ADGRL3: variants seen among roughly 807,000 people sequenced by gnomAD.
ADGRL3 encodes the protein adhesion G protein-coupled receptor L3.
ADGRL3 carries 62 observed loss-of-function variants against 153.5 expected under a neutral mutation model. The observed-to-expected ratio is 0.40, with a 90% CI of 0.33 to 0.50. The LOEUF (loss-of-function observed/expected upper bound fraction) is 0.50. Ranked by LOEUF, ADGRL3 falls within the 20% of genes least tolerant of loss-of-function variation. ADGRL3 has a pLI of 0.47. For missense variants in ADGRL3, 1,641 were observed against 1,859.4 expected (o/e 0.88, Z 2.16); for synonymous variants, 710 against 672.5 (o/e 1.06, Z -0.86).
At chr4:61,245,730 A>T (rs969914278) in intron 1 of ADGRL3, among the ~76,000 whole-genome samples, 1 of 152,090 alleles carries the variant, frequency 6.6e-6, no homozygotes, top group African/African-American at 2.4e-5. Flanking sequence ...ATTTGTCACA[A>T]ATGTCTTCCT....
chr4:61,387,119 C>T (rs2096746389), intron 2 of ADGRL3, among the ~76,000 whole-genome samples: 1 of 152,000 alleles, frequency 6.6e-6, no homozygotes, highest in Non-Finnish European at 1.5e-5. Context: ...CTGGGGGAGA[C>T]ATCACACGTT....
chr4:61,849,227 A>G (rs1359526597), intron 9 of ADGRL3, among the ~76,000 whole-genome samples: 2 of 152,076 alleles, frequency 1.3e-5, no homozygotes, highest in Non-Finnish European at 2.9e-5. Context: ...AACCTTTACC[A>G]CAATGTCACT....
chr4:62,032,231 A>G (rs921075125), intron 23 of ADGRL3, among the ~76,000 whole-genome samples: 2 of 151,448 alleles, frequency 1.3e-5, no homozygotes, highest in Non-Finnish European at 3.0e-5. Flanking sequence ...AATCTTTTAC[A>G]TGTATCTGTT....
chr4:61,864,880 A>G (rs2098384892), intron 9 of ADGRL3, among the ~76,000 whole-genome samples: 1 of 152,228 alleles, frequency 6.6e-6, no homozygotes, highest in South Asian at 2.1e-4. Flanking sequence ...AACTAAAATG[A>G]AATCAACGGA....
intron 6 of ADGRL3, among the ~76,000 whole-genome samples, chr4:61,684,561 C>T (rs952920013): frequency 1.7e-4 from 26 of 152,094 alleles, no homozygotes; most frequent in Middle Eastern, 3.4e-3. Context: ...ATCAGATCCC[C>T]GTAAAGACTT....
At chr4:61,769,213 G>A (rs980931286) in intron 8 of ADGRL3, among the ~76,000 whole-genome samples, 4 of 152,096 alleles carry the variant, frequency 2.6e-5, no homozygotes, top group Non-Finnish European at 4.4e-5. Context: ...TTCCCAGTCC[G>A]TGACTGGCGC....
chr4:61,371,607 G>C (rs1344559637), intron 1 of ADGRL3, among the ~76,000 whole-genome samples: 7 of 152,138 alleles, frequency 4.6e-5, no homozygotes, highest in African/African-American at 1.7e-4. Context: ...TCTGCTGTTA[G>C]TCTGATGGGC....
intron 8 of ADGRL3, among the ~76,000 whole-genome samples, chr4:61,805,898 CAGAG>C (rs1313294635): frequency 5.9e-5 from 9 of 152,122 alleles, no homozygotes; most frequent in African/African-American, 2.2e-4. Context: ...AATGGGTAGA[CAGAG>C]AGTTAACATC....
chr4:61,844,168 A>G (rs1440640278), intron 9 of ADGRL3, among the ~76,000 whole-genome samples: 2 of 151,838 alleles, frequency 1.3e-5, no homozygotes, highest in African/African-American at 4.8e-5. Flanking sequence ...TTCTTTCTAT[A>G]CTGGTCTTAC....
At chr4:61,622,019 G>A (rs77987855) in intron 5 of ADGRL3, among the ~76,000 whole-genome samples, 2,134 of 152,150 alleles carry the variant, frequency 0.014, 57 homozygotes, top group African/African-American at 0.047. Flanking sequence ...CCTGCATGTC[G>A]GTAGCTGTGT....
intron 23 of ADGRL3, among the ~76,000 whole-genome samples, chr4:62,036,862 T>C (rs982592792): frequency 1.3e-5 from 2 of 151,940 alleles, no homozygotes; most frequent in Middle Eastern, 4.1e-3. Flanking sequence ...TTTAAGGCAG[T>C]TACTGTTTAT....
chr4:61,620,702 G>A (rs2092443634), intron 5 of ADGRL3, among the ~76,000 whole-genome samples: 1 of 135,884 alleles, frequency 7.4e-6, no homozygotes, highest in South Asian at 2.3e-4. Context: ...GTGCAGTGGT[G>A]CGATCTCGGC....
chr4:61,478,987 T>C (rs2098100520), intron 2 of ADGRL3, among the ~76,000 whole-genome samples: 1 of 152,062 alleles, frequency 6.6e-6, no homozygotes, highest in Non-Finnish European at 1.5e-5. Context: ...ACTTCACAGA[T>C]CTTTGTCCAA....
chr4:61,517,565 G>A, intron 4 of ADGRL3, 47 bp downstream of exon 4: 1 of 694,724 alleles, frequency 1.4e-6, no homozygotes, highest in Non-Finnish European at 2.6e-6. Flanking sequence ...CTGGGCAGGG[G>A]CTCCTGAGAG....
chr4:61,810,729 G>T (rs966696587), intron 8 of ADGRL3, among the ~76,000 whole-genome samples: 5 of 152,048 alleles, frequency 3.3e-5, no homozygotes, highest in African/African-American at 1.2e-4. Flanking sequence ...TACTTCTCTG[G>T]CATACCTGAC....
At chr4:61,409,402 A>AT (rs879532935) in intron 2 of ADGRL3, among the ~76,000 whole-genome samples, 83 of 34,200 alleles carry the variant, frequency 2.4e-3, no homozygotes, top group South Asian at 2.2e-3. Flanking sequence ...TTAGACATAC[A>AT]TAATATATAT....
chr4:61,698,893 T>C (rs561950612), intron 6 of ADGRL3, among the ~76,000 whole-genome samples: 4 of 152,344 alleles, frequency 2.6e-5, no homozygotes, highest in Non-Finnish European at 5.9e-5. Flanking sequence ...TACTTTCTTT[T>C]TAACTGTAGG....
chr4:61,834,002 A>G (rs2097904177), intron 9 of ADGRL3, among the ~76,000 whole-genome samples: 1 of 146,116 alleles, frequency 6.8e-6, no homozygotes, highest in Admixed American at 7.0e-5. Context: ...TTTAGGGTAC[A>G]TGTGCACAAC....
chr4:61,724,767 A>AT (rs751866522), intron 6 of ADGRL3, among the ~76,000 whole-genome samples: 36 of 151,644 alleles, frequency 2.4e-4, no homozygotes, highest in East Asian at 1.4e-3. Context: ...TGAACTTCAC[A>AT]TTTTTTTTTA....
Sources: gnomAD v4.1 joint callset for allele counts (sites outside exome capture counted in the v4.1 genomes callset) on GRCh38, gnomAD v4.1.1 for gene constraint, MANE v1.5 for transcripts, NCBI Gene and HGNC (gene_info 2026-07-23, HGNC 2026-07-21) for gene names.